CCDC186: variants seen among roughly 807,000 people sequenced by gnomAD.
CCDC186 encodes coiled-coil domain containing 186.
In CCDC186, 49 loss-of-function variants were observed where a neutral mutation model predicts 113.7. That is an observed-to-expected ratio of 0.43 (90% CI 0.34 to 0.55). The LOEUF is 0.55. CCDC186 is among the 20% of genes least tolerant of loss of function. CCDC186 has a pLI of 0.02. For missense variants in CCDC186, 890 were observed against 1,011.1 expected (o/e 0.88, Z 1.62); for synonymous variants, 355 against 345.8 (o/e 1.03, Z -0.30).
intron 1 of CCDC186, chr10:114,173,402 T>C: frequency 3.1e-6 from 1 of 321,814 alleles, no homozygotes; most frequent in South Asian, 2.4e-5. Flanking sequence ...TTTGCCATTT[T>C]TCATTACTGA....
At chr10:114,159,180 CT>C (rs952846036) in intron 2 of CCDC186, among the ~76,000 whole-genome samples, 7 of 152,068 alleles carry the variant, frequency 4.6e-5, no homozygotes, top group African/African-American at 1.4e-4. Flanking sequence ...TTATTCAAGC[CT>C]TTTATGACAC....
rs745859229 is a variant in CCDC186, at chr10:114,131,995, T to G, written c.1845A>C (p.Lys615Asn). The G allele has an allele frequency of 6.2e-7, 1 of 1,613,106 alleles. No homozygotes were observed. Among genetic ancestry groups the G allele is most frequent in the Admixed American group, 1.7e-5 (1 of 59,960 alleles). ...GTAACTGACTTTCACTACAGGAAAC[T>G]TTATCAAATTGTGACTGCAAAGAAT... ...ESNSLQSQFD[K>N]VSCSESQLQS... Residue 615 changes from lysine (K) to asparagine (N), a missense_variant, in exon 11 of 16, where the codon AAA (lysine) becomes AAC (asparagine). Lys to Asn is a moderately conservative substitution (Grantham distance 94). Transcript: ENST00000369287.
At chr10:114,125,669 G>A (rs2030874748) in intron 15 of CCDC186, among the ~76,000 whole-genome samples, 1 of 152,100 alleles carries the variant, frequency 6.6e-6, no homozygotes, top group African/African-American at 2.4e-5. Context: ...TGACATCTTA[G>A]TGTCTGTCAA....
At chr10:114,169,234 CTTTTTTTTTTT>C (rs34677282) in intron 1 of CCDC186, among the ~76,000 whole-genome samples, 5 of 97,502 alleles carry the variant, frequency 5.1e-5, no homozygotes, top group South Asian at 3.6e-4. Flanking sequence ...TAGTACCATT[CTTTTTTTTTTT>C]TTTTTTTTTT....
chr10:114,133,369 T>C (rs910817147), intron 10 of CCDC186, among the ~76,000 whole-genome samples: 1 of 152,106 alleles, frequency 6.6e-6, no homozygotes, highest in Non-Finnish European at 1.5e-5. Flanking sequence ...CCTAGGAACA[T>C]GTGAGGAGAA....
At chr10:114,156,230 A>G (rs2032006710) in intron 3 of CCDC186, among the ~76,000 whole-genome samples, 1 of 152,252 alleles carries the variant, frequency 6.6e-6, no homozygotes, top group Non-Finnish European at 1.5e-5. Context: ...CATCAAGTGA[A>G]AAATTGTTTT....
intron 1 of CCDC186, chr10:114,165,882 C>T: frequency 1.1e-6 from 1 of 877,672 alleles, no homozygotes; most frequent in Non-Finnish European, 1.3e-6. Context: ...GGGAGCACAT[C>T]TTTGAGTCAA....
At chr10:114,137,332 G>A (rs764660751) in intron 6 of CCDC186, 42 bp from the exon 7 acceptor site, 16 of 1,415,600 alleles carry the variant, frequency 1.1e-5, no homozygotes, top group African/African-American at 2.8e-5. Context: ...GTACAGCAAC[G>A]TGATGAATGG....
chr10:114,145,456 C>G, intron 5 of CCDC186, 93 bp downstream of exon 5: 1 of 1,138,702 alleles, frequency 8.8e-7, no homozygotes, highest in Non-Finnish European at 1.2e-6. Flanking sequence ...GAGTGTTAAC[C>G]ATGTTAAATT....
intron 6 of CCDC186, among the ~76,000 whole-genome samples, chr10:114,141,516 T>C (rs1045579568): frequency 2.0e-5 from 3 of 152,196 alleles, no homozygotes; most frequent in Non-Finnish European, 4.4e-5. Context: ...TGATGTGTGT[T>C]GAGAGGTCAT....
chr10:114,163,094 G>C lies in CCDC186; in HGVS notation c.175C>G (p.His59Asp). ...TCCTGGGCTTCAATTCGATTATTAT[G>C]CTCATTAGGTTGACATAAAGTTTTA... ...TDKTLCQPNE[H>D]NNRIEAQENY... The change falls in exon 2 of 16, where the codon CAT (histidine) becomes GAT (aspartate). Residue 59 changes from histidine (H) to aspartate (D), a missense_variant. By Grantham distance (81) the His-to-Asp change is moderately conservative (BLOSUM62 -1). Coordinates refer to ENST00000369287, the MANE Select transcript of CCDC186 (RefSeq NM_018017.4). The C allele has an allele frequency of 6.2e-7, 1 of 1,614,034 alleles. No homozygotes were observed. The highest frequency in any genetic ancestry group is 8.5e-7 in the Non-Finnish European group (1 of 1,179,980).
chr10:114,140,511 C>T (rs1443094977), intron 6 of CCDC186, among the ~76,000 whole-genome samples: 3 of 152,128 alleles, frequency 2.0e-5, no homozygotes, highest in African/African-American at 2.4e-5. Flanking sequence ...TCCAAGATGT[C>T]GTATGTCAAA....
Position 114,121,213 on chromosome 10 carries a change from G to C in CCDC186, c.*3930C>G, listed in dbSNP as rs912532820. ...ATCTTTGAAAAATTTCAGGTTTCTA[G>C]TGCCACCAACTGGTGTTAATTAAAA... On this transcript the variant is annotated 3_prime_UTR_variant, in exon 16 of 16. Coordinates refer to ENST00000369287, the MANE Select transcript of CCDC186 (RefSeq NM_018017.4). The C allele has an allele frequency of 6.6e-6, 1 of 151,854 alleles. No homozygotes were observed. Among genetic ancestry groups the C allele is most frequent in the African/African-American group, 2.4e-5 (1 of 41,348 alleles). 9.4% of individuals were successfully genotyped at this position (151,854 alleles called of 1,614,324 possible). A position where few individuals can be genotyped will look rare whatever the true frequency, so the allele number is the denominator to read the frequency against.
In CCDC186 at chr10:114,145,570, C is replaced by T; in HGVS notation, c.1080G>A (p.Leu360=). Residue 360 remains leucine (L), a synonymous_variant, in exon 5 of 16, where the codon TTG becomes TTA. Coordinates refer to ENST00000369287, the MANE Select transcript of CCDC186 (RefSeq NM_018017.4). ...ATACCTTAGTTTCATACAGCTGGTG[C>T]AACCGTCCTTTCTCCTGAGAAAGCT... The part of the protein sequence containing the change: ...IKQLSQEKGR[L]HQLYETKEGE... 1 of 1,609,780 alleles carries T rather than the reference C, an allele frequency of 6.2e-7. No individual in the cohort carries two copies. The highest frequency in any genetic ancestry group is 8.5e-7 in the Non-Finnish European group (1 of 1,179,358).
At chr10:114,164,112 A>ATTTTT (rs1383372775) in intron 1 of CCDC186, among the ~76,000 whole-genome samples, 3 of 103,350 alleles carry the variant, frequency 2.9e-5, no homozygotes, top group Admixed American at 1.0e-4. Flanking sequence ...GTATATATAT[A>ATTTTT]TATTTTTTTT....
intron 1 of CCDC186, chr10:114,168,311 T>C (rs923655122): frequency 1.3e-5 from 2 of 152,178 alleles, no homozygotes; most frequent in African/African-American, 4.8e-5. Context: ...TTACCCACTC[T>C]GGAACTTATT....
At chr10:114,151,296 C>T in intron 3 of CCDC186, 76 bp from the exon 4 acceptor site, 2 of 1,080,774 alleles carry the variant, frequency 1.9e-6, no homozygotes, top group Middle Eastern at 3.1e-4. Context: ...TAAATATAAA[C>T]AAAGTAAATA....
At position 114,160,380 on chromosome 10, in the gene CCDC186, A is replaced by T. The variant is rs199971412; in HGVS notation, c.632+2257T>A. On this transcript the variant is annotated intron_variant, in intron 2 of 15. Coordinates refer to ENST00000369287, the MANE Select transcript of CCDC186 (RefSeq NM_018017.4). ...GGTGCTTGCCAGGGCACAGGGGGTGAGGGAAAAGGGGAGATATTGGCCAAA... is the reference window on the plus strand; with the variant it reads ...GGTGCTTGCCAGGGCACAGGGGGTGTGGGAAAAGGGGAGATATTGGCCAAA... Among the ~76,000 whole-genome samples the T allele has an allele frequency of 2.6e-5, 4 of 152,304 alleles. No individual in the cohort carries two copies. The East Asian group carries it at 7.7e-4, about 29-fold the overall frequency.
At chr10:114,161,796 C>A (rs1249887160) in intron 2 of CCDC186, 2 of 151,986 alleles carry the variant, frequency 1.3e-5, no homozygotes, top group Non-Finnish European at 2.9e-5. Flanking sequence ...CCCAGATGTC[C>A]ATTAATGGAT....
Sources: gnomAD v4.1 joint callset for allele counts (sites outside exome capture counted in the v4.1 genomes callset) on GRCh38, gnomAD v4.1.1 for gene constraint, MANE v1.5 for transcripts, NCBI Gene and HGNC (gene_info 2026-07-23, HGNC 2026-07-21) for gene names.